NRP1: variants seen among roughly 807,000 people sequenced by gnomAD.
NRP1 encodes neuropilin-1.
Under a neutral mutation model 106.7 loss-of-function variants are expected in NRP1, and 35 were observed. The observed-to-expected ratio is 0.33, with a 90% CI of 0.25 to 0.43. The LOEUF is 0.43. Ranked by LOEUF, NRP1 falls within the 20% of genes least tolerant of loss-of-function variation. The pLI is 1.00. For synonymous variants in NRP1, 437 were observed against 417.9 expected, an observed-to-expected ratio of 1.05 and a Z score of -0.56; for missense variants, 1,024 against 1,170.4, an observed-to-expected ratio of 0.87 and a Z score of 1.83.
chr10:33,311,817 T>G (rs772208296), intron 2 of NRP1, among the ~76,000 whole-genome samples: 1 of 152,210 alleles, frequency 6.6e-6, no homozygotes, highest in Non-Finnish European at 1.5e-5. Flanking sequence ...TCTCAGGACT[T>G]GTATAATATT....
rs193072217 is a variant in NRP1, at chr10:33,185,992, C to T, written c.2334+225G>A. Reference sequence around the variant, plus strand: ...TGTGAAAGCCCAGAAATAGATGACACGGAAGCCCTTTGTGTTCCTTCTCAG... The same window carrying T: ...TGTGAAAGCCCAGAAATAGATGACATGGAAGCCCTTTGTGTTCCTTCTCAG... On this transcript the variant is annotated intron_variant, in intron 14 of 16. Transcript: ENST00000374867. Among the ~76,000 whole-genome samples the T allele has an allele frequency of 3.1e-4, 47 of 152,324 alleles. 2 individuals are homozygous for T. The highest frequency in any genetic ancestry group is 2.6e-3 in the Admixed American group (40 of 15,300).
chr10:33,225,648 C>G (rs899510233), intron 7 of NRP1, among the ~76,000 whole-genome samples: 3 of 152,180 alleles, frequency 2.0e-5, no homozygotes, highest in Non-Finnish European at 4.4e-5. Flanking sequence ...CAATGAAATA[C>G]CTTTGGTTCC....
intron 2 of NRP1, among the ~76,000 whole-genome samples, chr10:33,329,848 A>C (rs560592071): frequency 1.3e-5 from 2 of 152,352 alleles, no homozygotes; most frequent in East Asian, 3.9e-4. Flanking sequence ...CATGTATCTG[A>C]GTGGACTGCT....
intron 8 of NRP1, among the ~76,000 whole-genome samples, chr10:33,220,345 AC>A (rs371160951): frequency 6.2e-4 from 94 of 152,274 alleles, no homozygotes; most frequent in African/African-American, 2.2e-3. Flanking sequence ...AAAATTAAAT[AC>A]CCCAAATACA....
At chr10:33,260,997 A>T in intron 4 of NRP1, among the ~76,000 whole-genome samples, 1 of 151,582 alleles carries the variant, frequency 6.6e-6, no homozygotes, top group Admixed American at 6.6e-5. Flanking sequence ...AAAAAAAAAA[A>T]AAAAAAAAAA....
At chr10:33,291,838 A>G (rs915452332) in intron 2 of NRP1, among the ~76,000 whole-genome samples, 2 of 152,222 alleles carry the variant, frequency 1.3e-5, no homozygotes, top group African/African-American at 4.8e-5. Flanking sequence ...CAAATATGGA[A>G]GCTAAGGCTC....
At chr10:33,211,093 A>G (rs1838267445) in intron 9 of NRP1, among the ~76,000 whole-genome samples, 1 of 152,226 alleles carries the variant, frequency 6.6e-6, no homozygotes, top group Admixed American at 6.5e-5. Flanking sequence ...TGAATTGAGT[A>G]TTTTGTGAAA....
At chr10:33,283,119 T>C (rs1362363309) in intron 2 of NRP1, among the ~76,000 whole-genome samples, 1 of 152,184 alleles carries the variant, frequency 6.6e-6, no homozygotes, top group East Asian at 1.9e-4. Context: ...TCCAGTTTCC[T>C]TGAAGTACAA....
At chr10:33,321,746 T>C in intron 2 of NRP1, among the ~76,000 whole-genome samples, 1 of 152,226 alleles carries the variant, frequency 6.6e-6, no homozygotes, top group Non-Finnish European at 1.5e-5. Flanking sequence ...CGTGACTATA[T>C]TGACTGGCCT....
At chr10:33,296,006 T>G (rs556215829) in intron 2 of NRP1, among the ~76,000 whole-genome samples, 90 of 152,188 alleles carry the variant, frequency 5.9e-4, no homozygotes, top group Non-Finnish European at 1.2e-4. Flanking sequence ...GTCATCTGAG[T>G]GTTTGGGTTT....
chr10:33,254,962 A>C lies in NRP1; in HGVS notation c.815-768T>G, dbSNP rs16934285. On this transcript the variant is annotated intron_variant, in intron 5 of 16. Coordinates refer to ENST00000374867, the MANE Select transcript of NRP1 (RefSeq NM_003873.7). ...CGTGGTGTTTCAAGGCCAGTGAAAC[A>C]TCAAAATCTATATTCTCTTAGGCCT... is the stretch of plus-strand genomic sequence containing the variant. 9.5e-3 allele frequency among the ~76,000 whole-genome samples: 1,450 copies of C among 152,320 alleles called. 25 individuals are homozygous for C. Among genetic ancestry groups the C allele is most frequent in the African/African-American group, 0.033 (1,372 of 41,560 alleles).
intron 1 of NRP1, among the ~76,000 whole-genome samples, chr10:33,333,602 A>G (rs1554816103): frequency 6.6e-6 from 1 of 152,226 alleles, no homozygotes; most frequent in Non-Finnish European, 1.5e-5. Flanking sequence ...GCCTACAACC[A>G]GATCCCATTT....
chr10:33,272,149 T>C (rs142028482), intron 2 of NRP1, among the ~76,000 whole-genome samples: 1 of 152,302 alleles, frequency 6.6e-6, no homozygotes, highest in Non-Finnish European at 1.5e-5. Context: ...TATGTTTACA[T>C]AAAGTCTCAG....
Position 33,178,707 on chromosome 10 carries a change from C to T in NRP1, c.*1369G>A, listed in dbSNP as rs1835507619. 6.6e-6 allele frequency: 1 copy of T among 152,384 alleles called. No individual in the cohort carries two copies. Among genetic ancestry groups the T allele is most frequent in the Non-Finnish European group, 1.5e-5 (1 of 68,036 alleles). The allele number at this position is 152,384 out of a possible 1,614,324, so 9.4% of individuals were successfully genotyped here. A position where few individuals can be genotyped will look rare whatever the true frequency, so the allele number is the denominator to read the frequency against. On this transcript the variant is annotated 3_prime_UTR_variant, in exon 17 of 17. Coordinates refer to ENST00000374867, the MANE Select transcript of NRP1 (RefSeq NM_003873.7). The stretch of plus-strand genomic sequence containing the variant: ...TATCCAGTTCTTCCTTTGGGTCTCA[C>T]TTGAAAGCCAATTTGTATTATTTCT...
chr10:33,193,603 A>AC (rs1200085896), intron 12 of NRP1, among the ~76,000 whole-genome samples: 1 of 152,172 alleles, frequency 6.6e-6, no homozygotes, highest in Non-Finnish European at 1.5e-5. Context: ...CCTCAAAAGA[A>AC]TCCCTATGAA....
Position 33,180,184 on chromosome 10 carries a change from C to T in NRP1, c.2664G>A (p.Met888Ile), listed in dbSNP as rs1588673153. 2 of 1,614,154 alleles carry T rather than the reference C, an allele frequency of 1.2e-6. No individual in the cohort carries two copies. The highest frequency in any genetic ancestry group is 2.2e-5 in the East Asian group (1 of 44,882). ...VLYCACWHNGMSERNLSALEN... is the reference protein window; with the variant it reads ...VLYCACWHNGISERNLSALEN... ...CCAGGGCAGACAAGTTTCTTTCTGA[C>T]ATCCCATTATGCCAACAGGCACAGT... Residue 888 changes from methionine to isoleucine, a missense_variant, in exon 17 of 17, where the codon ATG becomes ATA. Around this residue, in one of 5 missense-constraint regions of NRP1, gnomAD observed 164 missense variants for 161.4 expected, o/e 1.02. Coordinates refer to ENST00000374867, the MANE Select transcript of NRP1 (RefSeq NM_003873.7).
At chr10:33,278,116 G>A (rs1432947293) in intron 2 of NRP1, among the ~76,000 whole-genome samples, 4 of 152,024 alleles carry the variant, frequency 2.6e-5, no homozygotes, top group Non-Finnish European at 4.4e-5. Context: ...ATACGTTGTC[G>A]ACACTGTCAG....
intron 12 of NRP1, among the ~76,000 whole-genome samples, chr10:33,194,937 C>G (rs1836673332): frequency 6.6e-6 from 1 of 152,176 alleles, no homozygotes; most frequent in Non-Finnish European, 1.5e-5. Flanking sequence ...TTTACGTTTT[C>G]AAAATATTAC....
At chr10:33,265,464 G>A (rs1329998525) in intron 3 of NRP1, among the ~76,000 whole-genome samples, 3 of 152,198 alleles carry the variant, frequency 2.0e-5, no homozygotes, top group Non-Finnish European at 2.9e-5. Context: ...GGCAACTAGA[G>A]GCGACTTATT....
Sources: gnomAD v4.1 joint callset for allele counts (sites outside exome capture counted in the v4.1 genomes callset) on GRCh38, gnomAD v4.1.1 for gene constraint, gnomAD v4.1.1 regional missense constraint, MANE v1.5 for transcripts, NCBI Gene and HGNC (gene_info 2026-07-23, HGNC 2026-07-21) for gene names.